The following KRI1 variants were observed in gnomAD, a reference collection of about 807,000 sequenced individuals.
KRI1 encodes KRI1 homolog, also known as protein KRI1 homolog.
A neutral mutation model predicts 97.0 loss-of-function variants in KRI1; 83 were observed. The ratio of observed to expected loss-of-function variants is 0.86; its 90% CI spans 0.72 to 1.03. The LOEUF (loss-of-function observed/expected upper bound fraction) is 1.03, where lower values mean the gene tolerates loss of function less well. Ranked by LOEUF, KRI1 falls within the 50% of genes least tolerant of loss-of-function variation. The pLI is 0.00. For missense variants in KRI1, 916 were observed against 928.4 expected (o/e 0.99, Z 0.17); for synonymous variants, 371 against 363.5 (o/e 1.02, Z -0.23).
At position 10,555,332 on chromosome 19, in the gene KRI1, A is replaced by T; in HGVS notation, c.1635T>A (p.Asp545Glu). ...GGGAGCACCACCGGTTCAGCTCCTT[A>T]TCGTCAGCAGCGAGGATCTGCGTGG... ...LSTEEILAAD[D>E]KELNRWCSLK... The change falls in exon 17 of 19, where the codon GAT (aspartate) becomes GAA (glutamate). Residue 545 changes from aspartate (D) to glutamate (E), a missense_variant. Asp to Glu is a conservative substitution (Grantham distance 45). Around this residue, in one of 3 missense-constraint regions of KRI1, gnomAD observed 672 missense variants for 667.2 expected, o/e 1.01. Coordinates refer to ENST00000312962, the MANE Select transcript of KRI1 (RefSeq NM_023008.5). 1 of 1,614,148 alleles carries T rather than the reference A, an allele frequency of 6.2e-7. No individual in the cohort carries two copies. The highest frequency in any genetic ancestry group is 1.3e-5 in the African/African-American group (1 of 75,048).
chr19:10,564,528 T>C (rs183950138), intron 3 of KRI1, among the ~76,000 whole-genome samples: 17 of 151,972 alleles, frequency 1.1e-4, no homozygotes, highest in Admixed American at 2.6e-4. Flanking sequence ...CTGGCCTCAA[T>C]TGACCCTCCC....
rs200622649 is a variant in KRI1 at position 10,554,286 on chromosome 19, G to A, written c.1782-5C>T. ...GCTTCCGCAGGTGTCTCTGCCCTGA[G>A]GGAGAAAAGTCAGGGCTCAGCCCAG... On this transcript the variant is annotated splice_region_variant and splice_polypyrimidine_tract_variant and intron_variant, in intron 18 of 18. Transcript: ENST00000312962. 4 of 1,612,444 alleles carry A rather than the reference G, an allele frequency of 2.5e-6. No homozygotes were observed. The highest frequency in any genetic ancestry group is 2.7e-5 in the African/African-American group (2 of 74,912).
At chr19:10,562,595 A>C in intron 4 of KRI1, 134 bp downstream of exon 4, 2 of 649,014 alleles carry the variant, frequency 3.1e-6, no homozygotes, top group East Asian at 2.6e-5. Context: ...AGCCTACCAA[A>C]GTGCTGGGAT....
chr19:10,564,812 T>C (rs1916810601), intron 3 of KRI1, 117 bp downstream of exon 3: 1 of 763,350 alleles, frequency 1.3e-6, no homozygotes, highest in Non-Finnish European at 2.4e-6. Flanking sequence ...AGATATACTT[T>C]ACAGACAGGA....
At chr19:10,565,110 G>C in intron 2 of KRI1, 76 bp from the exon 3 acceptor site, 1 of 965,810 alleles carries the variant, frequency 1.0e-6, no homozygotes, top group Non-Finnish European at 1.7e-6. Flanking sequence ...GGTGAGCTCA[G>C]CGTAGGGATT....
At chr19:10,563,201 G>A (rs1448710271) in intron 3 of KRI1, among the ~76,000 whole-genome samples, 2 of 151,894 alleles carry the variant, frequency 1.3e-5, no homozygotes, top group African/African-American at 2.4e-5. Flanking sequence ...GATTACAGGT[G>A]CCCACCACCG....
Position 10,558,019 on chromosome 19 carries a change from C to T in KRI1, c.1312G>A (p.Gly438Arg). The change falls in exon 14 of 19, where the codon GGA becomes AGA. Residue 438 changes from glycine (G) to arginine (R), a missense_variant. This residue lies in a region of KRI1 where 672 missense variants were observed against 667.2 expected (regional missense o/e 1.01). Coordinates refer to ENST00000312962, the MANE Select transcript of KRI1 (RefSeq NM_023008.5). ...TGCAGCTCCTGCTGGCTCCAGTCTC[C>T]CTCCTGCTCAGGCCCGTCCCACGTG... ...WDTWDGPEQE[G>R]DWSQQELHCE... The T allele has an allele frequency of 6.2e-7, 1 of 1,614,098 alleles. No individual in the cohort carries two copies. Among genetic ancestry groups the T allele is most frequent in the Non-Finnish European group, 8.5e-7 (1 of 1,180,008 alleles).
chr19:10,562,838 C>G lies in KRI1; in HGVS notation c.275-1G>C. 1 of 1,595,278 alleles carries G rather than the reference C, an allele frequency of 6.3e-7. No individual in the cohort carries two copies. Among genetic ancestry groups the G allele is most frequent in the East Asian group, 2.2e-5 (1 of 44,788 alleles). ...TCCTCCTCACTGTCTGATGACGATGCTGTTAACCCACCAAAGACACCTGCC... is the reference window on the plus strand; with the variant it reads ...TCCTCCTCACTGTCTGATGACGATGGTGTTAACCCACCAAAGACACCTGCC... On this transcript the variant is annotated splice_acceptor_variant, in intron 3 of 18. Coordinates refer to ENST00000312962, the MANE Select transcript of KRI1 (RefSeq NM_023008.5). LOFTEE classifies it high-confidence loss of function.
In KRI1 at chr19:10,561,188, G is replaced by C. The variant is rs759395128; in HGVS notation, c.566C>G (p.Ala189Gly). The C allele has an allele frequency of 6.2e-7, 1 of 1,614,004 alleles. No individual in the cohort carries two copies. The highest frequency in any genetic ancestry group is 1.1e-5 in the South Asian group (1 of 91,078). The change falls in exon 7 of 19, where the codon GCC (alanine) becomes GGC (glycine). Residue 189 changes from alanine to glycine, a missense_variant. By Grantham distance (60) the Ala-to-Gly change is moderately conservative. Around this residue, in one of 3 missense-constraint regions of KRI1, gnomAD observed 71 missense variants for 108.1 expected, o/e 0.66. Transcript: ENST00000312962. ...EGGSSLLQKR[A>G]KTRQEKAQEE... is the part of the protein sequence containing the mutation. ...ACCCACCTTCTCCTGCCTGGTTTTG[G>C]CACGTTTCTGCAGCAAACTGGAGCC...
intron 1 of KRI1, 48 bp from the exon 2 acceptor site, chr19:10,565,838 C>A (rs1916856403): frequency 1.3e-6 from 2 of 1,542,522 alleles, no homozygotes; most frequent in East Asian, 2.5e-5. Context: ...CCGGCGGGGC[C>A]ACTCGACTCC....
Position 10,564,915 on chromosome 19 carries a change from G to C in KRI1, c.274+14C>G. 1 of 1,524,060 alleles carries C rather than the reference G, an allele frequency of 6.6e-7. No individual in the cohort carries two copies. Among genetic ancestry groups the C allele is most frequent in the East Asian group, 2.3e-5 (1 of 44,418 alleles). 94.4% of individuals were successfully genotyped at this position (1,524,060 alleles called of 1,614,324 possible). On this transcript the variant is annotated intron_variant, in intron 3 of 18. Coordinates refer to ENST00000312962, the MANE Select transcript of KRI1 (RefSeq NM_023008.5). ...CCAGAGGAAGGAGAGGTTTAGACAGGAGTGGCCCCGGACCTGTTCTGTTAT... is the reference window on the plus strand; with the variant it reads ...CCAGAGGAAGGAGAGGTTTAGACAGCAGTGGCCCCGGACCTGTTCTGTTAT...
chr19:10,553,436 C>A lies in KRI1; in HGVS notation c.*515G>T. The A allele has an allele frequency of 4.6e-6, 1 of 217,098 alleles. No individual in the cohort carries two copies. The highest frequency in any genetic ancestry group is 9.2e-6 in the Non-Finnish European group (1 of 108,640). 13.4% of individuals were successfully genotyped at this position (217,098 alleles called of 1,614,324 possible). ...TAACTTGATCGTGGGTGTGGCTGGG[C>A]GCAGCGTTCTGAGGGGATGTGGGGT... is the stretch of plus-strand genomic sequence containing the variant. On this transcript the variant is annotated 3_prime_UTR_variant, in exon 19 of 19. Transcript: ENST00000312962.
Position 10,553,590 on chromosome 19 carries a change from T to TTTTC in KRI1, c.*360_*361insGAAA, listed in dbSNP as rs59138474. The TTTTC allele has an allele frequency of 3.7e-4, 73 of 199,040 alleles. No homozygotes were observed. Among genetic ancestry groups the TTTTC allele is most frequent in the Non-Finnish European group, 6.6e-4 (66 of 99,292 alleles). 12.3% of individuals were successfully genotyped at this position (199,040 alleles called of 1,614,324 possible). A position where few individuals can be genotyped will look rare whatever the true frequency, so the allele number is the denominator to read the frequency against. On this transcript the variant is annotated 3_prime_UTR_variant, in exon 19 of 19. Transcript: ENST00000312962. ...GTGTTTTTTAATTTTTTTTTTTTTT[T>TTTTC]CAAGAGACAGGGTCTTGCTTTGTTG...
chr19:10,562,020 T>TC (rs964074808), intron 4 of KRI1, among the ~76,000 whole-genome samples, 175 bp from the exon 5 acceptor site: 3 of 151,750 alleles, frequency 2.0e-5, no homozygotes, highest in African/African-American at 7.3e-5. Flanking sequence ...CCAGCGTTTT[T>TC]TTTTTTTTTT....
intron 8 of KRI1, 54 bp from the exon 9 acceptor site, chr19:10,560,502 A>T: frequency 7.4e-7 from 1 of 1,355,976 alleles, no homozygotes; most frequent in South Asian, 1.3e-5. Context: ...GAAGGAGGGC[A>T]GGCATGCTCA....
Position 10,554,154 on chromosome 19 carries a change from G to A in KRI1, c.1909C>T (p.Pro637Ser). The A allele has an allele frequency of 6.2e-7, 1 of 1,614,048 alleles. No homozygotes were observed. The highest frequency in any genetic ancestry group is 8.5e-7 in the Non-Finnish European group (1 of 1,180,018). Reference protein sequence around the residue: ...ESPPAQEEEAPVSPHKKPAPQ... With the variant: ...ESPPAQEEEASVSPHKKPAPQ... ...GCTGGCTTCTTGTGGGGTGATACAG[G>A]GGCTTCCTCTTCCTGTGCTGGGGGA... is the stretch of plus-strand genomic sequence containing the variant. Residue 637 changes from proline (P) to serine (S), a missense_variant, in exon 19 of 19, where the codon CCT becomes TCT. Pro to Ser is a moderately conservative substitution (Grantham distance 74). This residue lies in a region of KRI1 where 672 missense variants were observed against 667.2 expected (regional missense o/e 1.01). Transcript: ENST00000312962.
At chr19:10,559,772 C>T in intron 10 of KRI1, 38 bp downstream of exon 10, 1 of 1,613,726 alleles carries the variant, frequency 6.2e-7, no homozygotes, top group Non-Finnish European at 8.5e-7. Flanking sequence ...TGGGCCTGAA[C>T]CCTGGGGGCT....
Position 10,554,245 on chromosome 19 carries a change from C to G in KRI1, c.1818G>C (p.Gln606His), listed in dbSNP as rs1237269280. ...ETPAEATGKP[Q>H]RDEAGPQRQL... ...GCCTCTGTGGGCCGGCTTCATCTCT[C>G]TGTGGCTTCCCTGTGGCTTCCGCAG... Residue 606 changes from glutamine (Q) to histidine (H), a missense_variant, in exon 19 of 19, where the codon CAG becomes CAC. Around this residue, in one of 3 missense-constraint regions of KRI1, gnomAD observed 672 missense variants for 667.2 expected, o/e 1.01. Coordinates refer to ENST00000312962, the MANE Select transcript of KRI1 (RefSeq NM_023008.5). The G allele has an allele frequency of 1.2e-6, 2 of 1,614,012 alleles. No individual in the cohort carries two copies. Among genetic ancestry groups the G allele is most frequent in the South Asian group, 2.2e-5 (2 of 91,082 alleles).
rs745534238 is a variant in KRI1 at position 10,553,990 on chromosome 19, CCGGCCCAGCTGG to C, written c.2061_2072del (p.Leu689_Gln692del). 1 of 1,611,954 alleles carries C rather than the reference CCGGCCCAGCTGG, an allele frequency of 6.2e-7. No homozygotes were observed. The highest frequency in any genetic ancestry group is 8.5e-7 in the Non-Finnish European group (1 of 1,178,846). On this transcript the variant is annotated inframe_deletion, in exon 19 of 19. Coordinates refer to ENST00000312962, the MANE Select transcript of KRI1 (RefSeq NM_023008.5). ...TGGGCCCCTGTTGTTTCCTCCGCTG[CCGGCCCAGCTGG>C]CGGAAGTGCAGCCGTTTGGGGTTGA...
Sources: gnomAD v4.1 joint callset for allele counts (sites outside exome capture counted in the v4.1 genomes callset) on GRCh38, gnomAD v4.1.1 for gene constraint, gnomAD v4.1.1 regional missense constraint, MANE v1.5 for transcripts, NCBI Gene and HGNC (gene_info 2026-07-23, HGNC 2026-07-21) for gene names.